The following SKAP1 variants were observed in gnomAD, a reference collection of about 807,000 sequenced individuals.
The protein encoded by SKAP1 is src kinase-associated phosphoprotein 1.
SKAP1 carries 44 observed loss-of-function variants against 58.5 expected under a neutral mutation model. The observed-to-expected ratio is 0.75, with a 90% CI of 0.59 to 0.97. SKAP1 has a LOEUF of 0.97. Among genes scored for constraint, SKAP1 ranks in the 50% least tolerant of loss-of-function variants. The probability of loss-of-function intolerance (pLI) is 0.00; values close to 1 mark genes in which losing one functional copy is unlikely to be tolerated. For missense variants in SKAP1, 390 were observed against 435.2 expected, an observed-to-expected ratio of 0.90 and a Z score of 0.92; for synonymous variants, 127 against 149.7, an observed-to-expected ratio of 0.85 and a Z score of 1.11.
chr17:48,332,223 A>G (rs1280591570), intron 4 of SKAP1, among the ~76,000 whole-genome samples: 1 of 152,120 alleles, frequency 6.6e-6, no homozygotes. Context: ...TACAAGAATA[A>G]TCATATTAAC....
intron 4 of SKAP1, among the ~76,000 whole-genome samples, chr17:48,337,244 A>C (rs2066585043): frequency 6.6e-6 from 1 of 152,174 alleles, no homozygotes; most frequent in African/African-American, 2.4e-5. Context: ...AGTATAATAT[A>C]GTTTATGAAT....
rs181682616 is a variant in SKAP1 at position 48,280,667 on chromosome 17, G to T, written c.280+65238C>A. 2.4e-4 allele frequency among the ~76,000 whole-genome samples: 36 copies of T among 152,176 alleles called. No individual in the cohort carries two copies. In the East Asian group the frequency reaches 7.0e-3, roughly 29 times the overall value. On this transcript the variant is annotated intron_variant, in intron 4 of 12. Transcript: ENST00000336915. The stretch of plus-strand genomic sequence containing the variant: ...AAAAGCTCCTTTTTGCCCCTTTGTA[G>T]TCAATCCACTCTTTCTATCACTGGC...
intron 4 of SKAP1, among the ~76,000 whole-genome samples, chr17:48,284,266 A>C (rs1393135335): frequency 6.6e-6 from 1 of 152,250 alleles, no homozygotes; most frequent in Non-Finnish European, 1.5e-5. Flanking sequence ...AATAAAGATA[A>C]GAAATAATTT....
At chr17:48,307,571 T>G (rs1232452526) in intron 4 of SKAP1, 1 of 152,252 alleles carries the variant, frequency 6.6e-6, no homozygotes, top group Admixed American at 6.5e-5. Flanking sequence ...AAAATTTAGA[T>G]AAATTCCATT....
chr17:48,170,541 A>G (rs1252674778), intron 10 of SKAP1, 68 bp downstream of exon 10: 33 of 1,323,888 alleles, frequency 2.5e-5, no homozygotes, highest in Non-Finnish European at 3.6e-5. Flanking sequence ...TCTCAGAGAA[A>G]GGTGCTTTCT....
chr17:48,411,215 C>T (rs2067660949), intron 1 of SKAP1, among the ~76,000 whole-genome samples: 1 of 151,848 alleles, frequency 6.6e-6, no homozygotes, highest in African/African-American at 2.4e-5. Context: ...GTCTGGCCAA[C>T]ATGGCGAAAC....
At chr17:48,311,159 C>G (rs1014800696) in intron 4 of SKAP1, among the ~76,000 whole-genome samples, 7 of 152,148 alleles carry the variant, frequency 4.6e-5, no homozygotes. Flanking sequence ...GTTCCCGTCT[C>G]GGAGTACAAA....
At chr17:48,410,677 A>G (rs903664952) in intron 1 of SKAP1, among the ~76,000 whole-genome samples, 1 of 152,110 alleles carries the variant, frequency 6.6e-6, no homozygotes, top group Non-Finnish European at 1.5e-5. Flanking sequence ...CTGTAATCAC[A>G]GCACTTTGGG....
intron 4 of SKAP1, among the ~76,000 whole-genome samples, chr17:48,256,731 G>C (rs919860351): frequency 2.6e-5 from 4 of 152,088 alleles, no homozygotes; most frequent in African/African-American, 9.7e-5. Context: ...GGTAAAAATG[G>C]GACAGGAGGC....
At chr17:48,301,437 G>C (rs946053907) in intron 4 of SKAP1, among the ~76,000 whole-genome samples, 1 of 152,118 alleles carries the variant, frequency 6.6e-6, no homozygotes, top group Admixed American at 6.5e-5. Context: ...GACTCCATGA[G>C]TATTTGAATT....
At chr17:48,185,522 G>A (rs3792695) in intron 6 of SKAP1, among the ~76,000 whole-genome samples, 16,572 of 152,082 alleles carry the variant, frequency 0.11, 1,083 homozygotes, top group Middle Eastern at 0.17. Flanking sequence ...TAAAAAAAAT[G>A]TTAGAAACAG....
chr17:48,295,217 G>A (rs1032911075), intron 4 of SKAP1, among the ~76,000 whole-genome samples: 4 of 152,182 alleles, frequency 2.6e-5, no homozygotes, highest in African/African-American at 4.8e-5. Context: ...TCACAGTCAA[G>A]TTCAGCACTG....
At chr17:48,251,610 G>C (rs9891857) in intron 4 of SKAP1, among the ~76,000 whole-genome samples, 13,914 of 152,158 alleles carry the variant, frequency 0.091, 965 homozygotes, top group African/African-American at 0.17. Context: ...ATATCCTAGT[G>C]ATTTAAAACA....
intron 4 of SKAP1, among the ~76,000 whole-genome samples, chr17:48,313,866 G>A (rs1395355454): frequency 6.6e-6 from 1 of 152,106 alleles, no homozygotes; most frequent in Non-Finnish European, 1.5e-5. Context: ...TGTGATGGTG[G>A]GGAGGTGGGG....
chr17:48,292,325 G>A (rs571991846), intron 4 of SKAP1, among the ~76,000 whole-genome samples: 1 of 152,042 alleles, frequency 6.6e-6, no homozygotes, highest in African/African-American at 2.4e-5. Context: ...CTATTCTGAT[G>A]TGCTAACATT....
At chr17:48,366,465 G>A (rs896252349) in intron 2 of SKAP1, among the ~76,000 whole-genome samples, 2 of 151,824 alleles carry the variant, frequency 1.3e-5, no homozygotes, top group Non-Finnish European at 2.9e-5. Flanking sequence ...GGCAGAGGAC[G>A]GGGTAGGAAG....
intron 11 of SKAP1, among the ~76,000 whole-genome samples, chr17:48,145,657 G>A (rs192419936): frequency 2.6e-3 from 394 of 152,168 alleles, no homozygotes; most frequent in Admixed American, 4.3e-3. Context: ...GGGGATATTG[G>A]GGGAAAACCA....
intron 4 of SKAP1, among the ~76,000 whole-genome samples, chr17:48,278,032 A>G (rs2065721619): frequency 6.6e-6 from 1 of 152,234 alleles, no homozygotes; most frequent in South Asian, 2.1e-4. Context: ...TCATATTTCT[A>G]AAATATTTTC....
intron 1 of SKAP1, among the ~76,000 whole-genome samples, chr17:48,405,442 TTTCTTTCTTTTCTTTCTTTC>T (rs1368915191): frequency 1.3e-5 from 1 of 78,342 alleles, no homozygotes; most frequent in Non-Finnish European, 2.7e-5. Context: ...TCTTTCTTTC[TTTCTTTCTTTTCTTTCTTTC>T]TTTCCTTCCT....
Sources: allele counts gnomAD v4.1 joint callset (sites outside exome capture counted in the v4.1 genomes callset), GRCh38; gene constraint gnomAD v4.1.1; transcripts MANE v1.5; gene names NCBI Gene and HGNC (gene_info 2026-07-23, HGNC 2026-07-21).